Variants in PCDH11Y observed in about 807,000 individuals in gnomAD.
PCDH11Y encodes the protein protocadherin 11 Y-linked.
For missense variants in PCDH11Y, 12 were observed against 224.8 expected (o/e 0.05, Z 6.05); for synonymous variants, 9 against 83.6 (o/e 0.11, Z 4.87).
chrY:5,699,105 A>T (rs2124711650), intron 4 of PCDH11Y, among the ~76,000 whole-genome samples: 1 of 33,000 alleles, frequency 3.0e-5, no homozygotes, highest in East Asian at 8.4e-4. Flanking sequence ...TCCAGACCCT[A>T]TTCACCTGGG....
chrY:5,545,918 A>G (rs1602941270), intron 3 of PCDH11Y, among the ~76,000 whole-genome samples: 2 of 33,094 alleles, frequency 6.0e-5, no homozygotes, highest in African/African-American at 2.3e-4. Context: ...ACTACTGGCT[A>G]TGAAGTTTTA....
chrY:5,516,481 C>A, intron 3 of PCDH11Y, among the ~76,000 whole-genome samples: 1 of 33,110 alleles, frequency 3.0e-5, no homozygotes, highest in Non-Finnish European at 7.4e-5. Context: ...TTAATTTTCA[C>A]CTAGATCTTC....
At chrY:5,575,891 C>T in intron 3 of PCDH11Y, among the ~76,000 whole-genome samples, 1 of 32,876 alleles carries the variant, frequency 3.0e-5, no homozygotes. Context: ...GATACACCAC[C>T]AAGTCCCATT....
At chrY:5,351,792 G>C (rs2053159619) in intron 2 of PCDH11Y, among the ~76,000 whole-genome samples, 1 of 31,620 alleles carries the variant, frequency 3.2e-5, no homozygotes, top group Non-Finnish European at 7.6e-5. Context: ...AAAATGTATA[G>C]TTATTAAATT....
intron 2 of PCDH11Y, among the ~76,000 whole-genome samples, chrY:5,452,336 T>G (rs2053293974): frequency 3.0e-5 from 1 of 33,835 alleles, no homozygotes; most frequent in Non-Finnish European, 7.4e-5. Context: ...AATAACTGTC[T>G]TAAGTAAATG....
intron 1 of PCDH11Y, among the ~76,000 whole-genome samples, chrY:5,087,883 G>A: frequency 9.5e-5 from 3 of 31,719 alleles, no homozygotes; most frequent in Non-Finnish European, 2.3e-4. Flanking sequence ...TGTCAGCTGC[G>A]TTTGGTCTGG....
At chrY:5,340,792 A>T in intron 2 of PCDH11Y, among the ~76,000 whole-genome samples, 1 of 33,848 alleles carries the variant, frequency 3.0e-5, no homozygotes, top group Non-Finnish European at 7.3e-5. Flanking sequence ...TTTATTAAAT[A>T]GCCTATAATA....
chrY:5,282,952 C>A, intron 2 of PCDH11Y, among the ~76,000 whole-genome samples: 4 of 33,256 alleles, frequency 1.2e-4, no homozygotes, highest in African/African-American at 4.6e-4. Context: ...ATCCATGTAA[C>A]AAACCTGCAC....
At position 5,622,581 on chromosome Y, in the gene PCDH11Y, T is replaced by C. The variant is rs2124702470; in HGVS notation, c.3352+40783T>C. Among the ~76,000 whole-genome samples, 7 of 31,406 alleles carry C rather than the reference T, an allele frequency of 2.2e-4. No individual in the cohort carries two copies. In the South Asian group the frequency reaches 4.5e-3, roughly 20 times the overall value. The allele number at this position is 31,406 out of a possible 37,273, so 84.3% of individuals were successfully genotyped here. A position where few individuals can be genotyped will look rare whatever the true frequency, so the allele number is the denominator to read the frequency against. The stretch of plus-strand genomic sequence containing the variant: ...ATATACCTAAAGAAATATAAATCAT[T>C]CTATTATAAAGTTACATGCATGCAT... On this transcript the variant is annotated intron_variant, in intron 4 of 4. Transcript: ENST00000400457.
intron 1 of PCDH11Y, among the ~76,000 whole-genome samples, chrY:5,068,980 C>T: frequency 1.8e-4 from 6 of 32,657 alleles, no homozygotes; most frequent in African/African-American, 7.2e-4. Flanking sequence ...GTCTGGTCTA[C>T]CTTGAGCCAG....
chrY:5,070,769 G>T (rs2052698617), intron 1 of PCDH11Y, among the ~76,000 whole-genome samples: 36 of 31,400 alleles, frequency 1.1e-3, no homozygotes, highest in African/African-American at 4.0e-3. Context: ...CTGTCTTGGG[G>T]GTTTATTGTA....
chrY:5,046,905 T>C, intron 3 of PCDH11Y, among the ~76,000 whole-genome samples: 1 of 33,718 alleles, frequency 3.0e-5, no homozygotes, highest in African/African-American at 1.2e-4. Context: ...CTTTCTTTGA[T>C]TAGGAAAGGG....
At chrY:5,388,654 C>G in intron 2 of PCDH11Y, among the ~76,000 whole-genome samples, 1 of 33,462 alleles carries the variant, frequency 3.0e-5, no homozygotes, top group Non-Finnish European at 7.4e-5. Flanking sequence ...ACTGCTCTGT[C>G]TGTTTGAGCT....
Position 5,199,293 on chromosome Y carries a change from C to CT in PCDH11Y, c.3129+98599dup, listed in dbSNP as rs2052924340. ...TTTTACTTGGGTTTCTTTTTCTTTTCTTTTTTTTTTTTTGAGACACTTTCA... is the reference window on the plus strand; with the variant it reads ...TTTTACTTGGGTTTCTTTTTCTTTTCTTTTTTTTTTTTTTGAGACACTTTCA... On this transcript the variant is annotated intron_variant, in intron 2 of 4. Transcript: ENST00000400457. 7.1e-4 allele frequency among the ~76,000 whole-genome samples: 20 copies of CT among 28,046 alleles called. No homozygotes were observed. The East Asian group carries it at 9.3e-3, about 13-fold the overall frequency. 75.2% of individuals were successfully genotyped at this position (28,046 alleles called of 37,273 possible). A position where few individuals can be genotyped will look rare whatever the true frequency, so the allele number is the denominator to read the frequency against.
At chrY:5,197,595 A>G (rs2052920615) in intron 2 of PCDH11Y, among the ~76,000 whole-genome samples, 1 of 31,453 alleles carries the variant, frequency 3.2e-5, no homozygotes, top group Non-Finnish European at 7.6e-5. Flanking sequence ...TCCAACAATG[A>G]TAGGCTGGAT....
chrY:5,101,048 G>C, exon 2 of PCDH11Y: 1 of 284,081 alleles, frequency 3.5e-6, no homozygotes, highest in Non-Finnish European at 4.6e-6. Flanking sequence ...ATGAGGATCA[G>C]AATAGTCTGG....
intron 2 of PCDH11Y, among the ~76,000 whole-genome samples, chrY:5,192,440 T>G: frequency 3.0e-5 from 1 of 33,852 alleles, no homozygotes; most frequent in Non-Finnish European, 7.3e-5. Context: ...AATATTTAAC[T>G]TTTTAATAAC....
At chrY:5,351,566 T>C in intron 2 of PCDH11Y, among the ~76,000 whole-genome samples, 1 of 30,593 alleles carries the variant, frequency 3.3e-5, no homozygotes, top group Non-Finnish European at 7.8e-5. Context: ...TCAGTTGTAA[T>C]TCAAGACAAG....
intron 2 of PCDH11Y, among the ~76,000 whole-genome samples, chrY:5,314,776 A>G: frequency 3.0e-5 from 1 of 33,147 alleles, no homozygotes. Flanking sequence ...GGAAACGTCA[A>G]GATACACTGT....
Sources: allele counts gnomAD v4.1 joint callset (sites outside exome capture counted in the v4.1 genomes callset), GRCh38; gene constraint gnomAD v4.1.1; transcripts MANE v1.5; gene names NCBI Gene and HGNC (gene_info 2026-07-23, HGNC 2026-07-21).